SLC38A6: variants seen among roughly 807,000 people sequenced by gnomAD.
SLC38A6 encodes N system amino acid transporter NAT-1.
Under a neutral mutation model 65.0 loss-of-function variants are expected in SLC38A6, and 73 were observed. The ratio of observed to expected loss-of-function variants is 1.12; its 90% CI spans 0.93 to 1.37. The LOEUF is 1.37. Among genes scored for constraint, SLC38A6 ranks in the 40% most tolerant of loss-of-function variants. The pLI is 0.00. For synonymous variants in SLC38A6, 183 were observed against 178.8 expected (o/e 1.02, Z -0.19); for missense variants, 561 against 531.1 (o/e 1.06, Z -0.55).
intron 3 of SLC38A6, among the ~76,000 whole-genome samples, chr14:60,990,051 A>G (rs985770429): frequency 1.3e-5 from 2 of 149,470 alleles, no homozygotes; most frequent in African/African-American, 4.9e-5. Context: ...TTTTTTTGAG[A>G]CAGAGTCTCA....
At chr14:60,999,762 C>A (rs867160026) in intron 3 of SLC38A6, among the ~76,000 whole-genome samples, 5 of 152,164 alleles carry the variant, frequency 3.3e-5, no homozygotes, top group Admixed American at 1.3e-4. Flanking sequence ...ATTGGAATGA[C>A]ATGACCACAA....
chr14:61,027,597 T>C (rs188110148), intron 5 of SLC38A6, among the ~76,000 whole-genome samples: 2 of 152,276 alleles, frequency 1.3e-5, no homozygotes, highest in East Asian at 1.9e-4. Flanking sequence ...CTATCAATAG[T>C]ATATCTTTAA....
intron 3 of SLC38A6, among the ~76,000 whole-genome samples, chr14:61,009,424 A>G (rs1389345332): frequency 1.3e-5 from 2 of 152,202 alleles, no homozygotes; most frequent in African/African-American, 4.8e-5. Flanking sequence ...TCTAGGGTAC[A>G]TGTACACAAC....
At chr14:61,035,984 C>T (rs868269763) in intron 6 of SLC38A6, among the ~76,000 whole-genome samples, 2 of 151,636 alleles carry the variant, frequency 1.3e-5, no homozygotes, top group Non-Finnish European at 2.9e-5. Flanking sequence ...CTACCTTTTT[C>T]TCATTCTGTA....
intron 16 of SLC38A6, among the ~76,000 whole-genome samples, chr14:61,079,593 C>G (rs1450189719): frequency 6.6e-6 from 1 of 152,168 alleles, no homozygotes; most frequent in Non-Finnish European, 1.5e-5. Context: ...CTCAGGAAAC[C>G]TATGCTCAAC....
chr14:61,070,189 T>A (rs938356993), intron 15 of SLC38A6, among the ~76,000 whole-genome samples: 3 of 152,258 alleles, frequency 2.0e-5, no homozygotes, highest in African/African-American at 7.2e-5. Flanking sequence ...ACTCTGTGCC[T>A]AATTGAACAG....
At chr14:61,079,250 C>T (rs952452279) in intron 16 of SLC38A6, among the ~76,000 whole-genome samples, 5 of 150,260 alleles carry the variant, frequency 3.3e-5, no homozygotes, top group African/African-American at 1.2e-4. Flanking sequence ...GATTCTCCTG[C>T]CTCCACCTCC....
chr14:61,010,826 A>G (rs1302464435), intron 3 of SLC38A6, among the ~76,000 whole-genome samples: 1 of 152,192 alleles, frequency 6.6e-6, no homozygotes, highest in Non-Finnish European at 1.5e-5. Context: ...TGATGCCTCC[A>G]GCTTTGTTCT....
At chr14:60,998,633 G>C (rs556891705) in intron 3 of SLC38A6, among the ~76,000 whole-genome samples, 17 of 152,334 alleles carry the variant, frequency 1.1e-4, no homozygotes, top group African/African-American at 3.4e-4. Flanking sequence ...GCACTGGGCT[G>C]GTTAATACTT....
At chr14:61,067,151 G>A (rs773592868) in intron 15 of SLC38A6, among the ~76,000 whole-genome samples, 2 of 151,982 alleles carry the variant, frequency 1.3e-5, no homozygotes, top group Non-Finnish European at 2.9e-5. Context: ...ACCTGTGTTC[G>A]AATCCCAGCT....
intron 13 of SLC38A6, among the ~76,000 whole-genome samples, chr14:61,051,197 A>C (rs1207186165): frequency 6.6e-6 from 1 of 152,206 alleles, no homozygotes; most frequent in African/African-American, 2.4e-5. Flanking sequence ...ATCTGCATGG[A>C]TGTCTTGAAT....
intron 3 of SLC38A6, among the ~76,000 whole-genome samples, chr14:61,009,572 C>G (rs999626415): frequency 6.6e-6 from 1 of 151,816 alleles, no homozygotes; most frequent in African/African-American, 2.4e-5. Context: ...TGATATTCCC[C>G]TTCCTGTGCC....
intron 11 of SLC38A6, 56 bp downstream of exon 11, chr14:61,045,481 G>GT: frequency 1.5e-6 from 2 of 1,312,058 alleles, no homozygotes; most frequent in Non-Finnish European, 2.2e-6. Flanking sequence ...TACCTCTAAG[G>GT]CTTTCGGATT....
chr14:61,034,385 A>T (rs1388001137), intron 6 of SLC38A6: 1 of 152,078 alleles, frequency 6.6e-6, no homozygotes. Flanking sequence ...CGGTAAGAAC[A>T]CTTGACATGA....
chr14:61,037,859 A>G (rs1488030860), intron 8 of SLC38A6, among the ~76,000 whole-genome samples, 176 bp downstream of exon 8: 2 of 152,160 alleles, frequency 1.3e-5, no homozygotes, highest in Non-Finnish European at 2.9e-5. Flanking sequence ...TATTTTGAAG[A>G]GGCTTAGCTA....
intron 3 of SLC38A6, among the ~76,000 whole-genome samples, chr14:61,011,014 C>T (rs7149530): frequency 2.6e-5 from 4 of 152,058 alleles, no homozygotes; most frequent in African/African-American, 4.8e-5. Flanking sequence ...CCTACCCATG[C>T]GCATGGAATG....
Position 60,982,516 on chromosome 14 carries a change from C to G in SLC38A6, c.114C>G (p.His38Gln), listed in dbSNP as rs751866754. ...AATTTGTGTGCTTACAGGAACTTCA[C>G]AGACAGCGATCCCCAGGTGTTTCAT... ...ELSPLLSNEL[H>Q]RQRSPGVSFG... Residue 38 changes from histidine to glutamine, a missense_variant, in exon 2 of 16, where the codon CAC (histidine) becomes CAG (glutamine). Physicochemically the swap from His to Gln is conservative, Grantham distance 24 (BLOSUM62 0). Transcript: ENST00000267488. 6.2e-6 allele frequency: 10 copies of G among 1,609,068 alleles called. No individual in the cohort carries two copies. Among genetic ancestry groups the G allele is most frequent in the Non-Finnish European group, 8.5e-6 (10 of 1,178,774 alleles).
At position 61,052,055 on chromosome 14, in the gene SLC38A6, A is replaced by G. The variant is rs2042534606; in HGVS notation, c.1210A>G (p.Thr404Ala). Residue 404 changes from threonine (T) to alanine (A), a missense_variant, in exon 15 of 16, where the codon ACA becomes GCA. By Grantham distance (58) the Thr-to-Ala change is moderately conservative (BLOSUM62 0). Coordinates refer to ENST00000267488, the MANE Select transcript of SLC38A6 (RefSeq NM_153811.3). The stretch of plus-strand genomic sequence containing the variant: ...CCACTTTAAAGGTGCCAGTACATCA[A>G]CATGTTTGATTTTTATATTCCCAGG... ...VFGVVGASTS[T>A]CLIFIFPGLF... 6.3e-7 allele frequency: 1 copy of G among 1,596,508 alleles called. No homozygotes were observed. Among genetic ancestry groups the G allele is most frequent in the Non-Finnish European group, 8.5e-7 (1 of 1,175,506 alleles).
intron 5 of SLC38A6, among the ~76,000 whole-genome samples, chr14:61,025,537 C>T (rs1230768620): frequency 6.6e-6 from 1 of 152,076 alleles, no homozygotes; most frequent in Non-Finnish European, 1.5e-5. Context: ...GAGTCTTTTT[C>T]ACAAGCACTT....
Sources: gnomAD v4.1 joint callset for allele counts (sites outside exome capture counted in the v4.1 genomes callset) on GRCh38, gnomAD v4.1.1 for gene constraint, MANE v1.5 for transcripts, NCBI Gene and HGNC (gene_info 2026-07-23, HGNC 2026-07-21) for gene names.